Variants in FBLN2 observed in about 807,000 individuals in gnomAD.
The protein encoded by FBLN2 is fibulin-2.
FBLN2 carries 81 observed loss-of-function variants against 123.7 expected under a neutral mutation model. The observed-to-expected ratio is 0.65, with a 90% confidence interval of 0.55 to 0.79. FBLN2 has a LOEUF of 0.79. FBLN2 is among the 30% of genes least tolerant of loss of function. FBLN2 has a pLI of 0.00. For missense variants in FBLN2, 1,603 were observed against 1,681.3 expected (o/e 0.95, Z 0.81); for synonymous variants, 699 against 701.4 (o/e 1.00, Z 0.05).
At chr3:13,609,689 C>T (rs1209287509) in intron 4 of FBLN2, 47 bp downstream of exon 4, 5 of 428,788 alleles carry the variant, frequency 1.2e-5, no homozygotes, top group South Asian at 3.5e-5. Context: ...TGGGGCGGGG[C>T]GGGAGGCTGG....
At chr3:13,636,317 A>G in intron 16 of FBLN2, 128 bp from the exon 17 acceptor site, 1 of 1,143,232 alleles carries the variant, frequency 8.7e-7, no homozygotes, top group Admixed American at 2.5e-5. Context: ...ATGTGTGTGC[A>G]GGGAGGCACG....
In FBLN2 at chr3:13,629,026, C is replaced by A; in HGVS notation, c.2691C>A (p.Ser897Arg). 1 of 1,613,358 alleles carries A rather than the reference C, an allele frequency of 6.2e-7. No homozygotes were observed. The highest frequency in any genetic ancestry group is 8.5e-7 in the Non-Finnish European group (1 of 1,179,778). Residue 897 changes from serine (S) to arginine (R), a missense_variant, in exon 12 of 18, where the codon AGC (serine) becomes AGA (arginine). By Grantham distance (110) the Ser-to-Arg change is moderately radical. Transcript: ENST00000404922. ...PLICARGYHA[S>R]DDGTKCVDVN... ...TCTGCGCGCGCGGCTACCACGCCAG[C>A]GATGATGGGACCAAGTGTGTGGGTA... is the stretch of plus-strand genomic sequence containing the variant.
intron 8 of FBLN2, 80 bp from the exon 9 acceptor site, chr3:13,621,694 AT>A: frequency 6.6e-7 from 1 of 1,517,076 alleles, no homozygotes; most frequent in Non-Finnish European, 9.0e-7. Flanking sequence ...GCTGGGTCTC[AT>A]TCTCCTGTCA....
intron 2 of FBLN2, among the ~76,000 whole-genome samples, chr3:13,591,020 C>A (rs1339968809): frequency 1.3e-5 from 2 of 152,246 alleles, no homozygotes; most frequent in Non-Finnish European, 2.9e-5. Flanking sequence ...TGCATCCCTA[C>A]CAGCCATGCA....
At chr3:13,616,797 C>T (rs1705622673) in intron 5 of FBLN2, among the ~76,000 whole-genome samples, 1 of 152,196 alleles carries the variant, frequency 6.6e-6, no homozygotes, top group Admixed American at 6.5e-5. Context: ...TTTCCACTCT[C>T]ACCTGCTCCC....
At position 13,638,244 on chromosome 3, in the gene FBLN2, T is replaced by C; in HGVS notation, c.*325T>C. ...CTCTTGGACTCCTCTGGATGACCCG[T>C]CCCCAAAGTTGACATTCCATTTCAT... On this transcript the variant is annotated 3_prime_UTR_variant, in exon 18 of 18. Transcript: ENST00000404922. 1 of 560,014 alleles carries C rather than the reference T, an allele frequency of 1.8e-6. No individual in the cohort carries two copies. Among genetic ancestry groups the C allele is most frequent in the Non-Finnish European group, 3.3e-6 (1 of 306,632 alleles). The allele number at this position is 560,014 out of a possible 1,614,324, so 34.7% of individuals were successfully genotyped here.
At position 13,552,393 on chromosome 3, in the gene FBLN2, G is replaced by A. The variant is rs561075322; in HGVS notation, c.-42+3185G>A. ...TGAAAGGGGAGGCCAGGGTGAGGCC[G>A]GCTGTCCTGCCCGGTGGTGGACGTA... On this transcript the variant is annotated intron_variant, in intron 1 of 17. Coordinates refer to ENST00000404922, the MANE Select transcript of FBLN2 (RefSeq NM_001004019.2). 6.1e-4 allele frequency among the ~76,000 whole-genome samples: 93 copies of A among 152,084 alleles called. 1 individual carries two copies. The highest frequency in any genetic ancestry group is 2.1e-3 in the African/African-American group (88 of 41,474).
In FBLN2 at chr3:13,596,427, G is replaced by A. The variant is rs958185058; in HGVS notation, c.1307-11635G>A. 1.8e-4 allele frequency among the ~76,000 whole-genome samples: 28 copies of A among 152,208 alleles called. 1 individual carries two copies. Among genetic ancestry groups the A allele is most frequent in the African/African-American group, 6.5e-4 (27 of 41,448 alleles). On this transcript the variant is annotated intron_variant, in intron 2 of 17. Transcript: ENST00000404922. ...TTTCTGGATCTTTGCTGTCACAAAT[G>A]CAGGTGCATCAGAATCTGTGATGCT...
chr3:13,608,735 A>T (rs1205598165), intron 3 of FBLN2, among the ~76,000 whole-genome samples: 4 of 152,070 alleles, frequency 2.6e-5, no homozygotes. Context: ...GTTTTTTTCC[A>T]GGGACCCCGT....
intron 16 of FBLN2, among the ~76,000 whole-genome samples, chr3:13,632,790 C>T (rs1417122736): frequency 6.6e-6 from 1 of 151,980 alleles, no homozygotes; most frequent in Non-Finnish European, 1.5e-5. Flanking sequence ...GCTCGGCCCA[C>T]AGAAGCTGGC....
chr3:13,558,360 T>C (rs1703515569), intron 1 of FBLN2, among the ~76,000 whole-genome samples: 1 of 152,058 alleles, frequency 6.6e-6, no homozygotes, highest in Admixed American at 6.6e-5. Context: ...GCCTGTCTTT[T>C]GCTGGCACCA....
Position 13,580,893 on chromosome 3 carries a change from G to A in FBLN2, c.1306+9232G>A, listed in dbSNP as rs1430129543. ...GGCAGTCCTGCTAACCTGGCCAGGC[G>A]TGGCTGACACCTGCTGGGCCTGAAC... On this transcript the variant is annotated intron_variant, in intron 2 of 17. Transcript: ENST00000404922. 3.9e-5 allele frequency among the ~76,000 whole-genome samples: 6 copies of A among 152,204 alleles called. 1 individual carries two copies. In the South Asian group the frequency reaches 6.2e-4, roughly 16 times the overall value.
rs753301909 is a variant in FBLN2, at chr3:13,619,030, G to A, written c.2053+13G>A. 9.4e-6 allele frequency: 15 copies of A among 1,595,754 alleles called. No individual in the cohort carries two copies. The highest frequency in any genetic ancestry group is 9.0e-5 in the South Asian group (8 of 88,454). ...AATACCTGCAAAGGTAAGCAGTGTG[G>A]GTGGTGTCTCCAGGACAGGGCCCAG... On this transcript the variant is annotated intron_variant, in intron 7 of 17. Transcript: ENST00000404922.
rs1318679218 is a variant in FBLN2 at position 13,637,787 on chromosome 3, G to C, written c.3564G>C (p.Val1188=). 1.2e-6 allele frequency: 2 copies of C among 1,613,812 alleles called. No homozygotes were observed. Among genetic ancestry groups the C allele is most frequent in the Non-Finnish European group, 1.7e-6 (2 of 1,179,844 alleles). ...GCAGGCTCAATGCCTACACGGGTGT[G>C]GTCTACCTGCAGCGGGCCGTGCTGG... ...GTRRLNAYTG[V]VYLQRAVLEP... Residue 1188 remains valine (V), a synonymous_variant, in exon 18 of 18, where the codon GTG becomes GTC. Transcript: ENST00000404922.
intron 16 of FBLN2, among the ~76,000 whole-genome samples, chr3:13,635,385 C>CAG (rs1254734350): frequency 6.6e-6 from 1 of 151,838 alleles, no homozygotes; most frequent in African/African-American, 2.4e-5. Context: ...TACACACACA[C>CAG]ACACACACAC....
chr3:13,632,671 G>C (rs553652395), intron 16 of FBLN2, among the ~76,000 whole-genome samples: 40 of 152,252 alleles, frequency 2.6e-4, no homozygotes, highest in African/African-American at 9.4e-4. Context: ...TGTGTACCTA[G>C]TCCCAATGCA....
chr3:13,556,311 A>G (rs928325774), intron 1 of FBLN2, among the ~76,000 whole-genome samples: 2 of 147,624 alleles, frequency 1.4e-5, no homozygotes, highest in Non-Finnish European at 3.0e-5. Flanking sequence ...GTGTCCTCAC[A>G]AGGTGGGGGG....
intron 2 of FBLN2, among the ~76,000 whole-genome samples, chr3:13,585,487 A>G (rs1327539797): frequency 6.6e-6 from 1 of 152,208 alleles, no homozygotes; most frequent in South Asian, 2.1e-4. Flanking sequence ...CATCAATGAT[A>G]TACTCTATAT....
rs557175061 is a variant in FBLN2, at chr3:13,623,334, A to G, written c.2296+1419A>G. ...TTGTCTAGCTGCCTGGAGATAAAAC[A>G]TACTAAAAGGGATCCCCAGGCAGCT... On this transcript the variant is annotated intron_variant, in intron 9 of 17. Transcript: ENST00000404922. Among the ~76,000 whole-genome samples, 617 of 152,316 alleles carry G rather than the reference A, an allele frequency of 4.1e-3. 7 individuals carry two copies. Among genetic ancestry groups the G allele is most frequent in the Admixed American group, 6.5e-3 (100 of 15,312 alleles).
Sources: gnomAD v4.1 joint callset for allele counts (sites outside exome capture counted in the v4.1 genomes callset) on GRCh38, gnomAD v4.1.1 for gene constraint, MANE v1.5 for transcripts, NCBI Gene and HGNC (gene_info 2026-07-23, HGNC 2026-07-21) for gene names.